Variants in KIF26B observed in about 807,000 individuals in gnomAD.
KIF26B encodes kinesin family member 26B, also known as kinesin-like protein KIF26B.
A neutral mutation model predicts 151.2 loss-of-function variants in KIF26B; 63 were observed. That is an observed-to-expected ratio of 0.42 (90% CI 0.34 to 0.51). The LOEUF (loss-of-function observed/expected upper bound fraction) is 0.51. KIF26B is among the 20% of genes least tolerant of loss of function. The pLI is 0.07. For synonymous variants in KIF26B, 1,357 were observed against 1,262.1 expected (o/e 1.08, Z -1.59); for missense variants, 2,813 against 2,913.6 (o/e 0.97, Z 0.79).
chr1:245,288,034 G>A (rs533272284), intron 2 of KIF26B, among the ~76,000 whole-genome samples: 1 of 151,502 alleles, frequency 6.6e-6, no homozygotes, highest in South Asian at 2.1e-4. Flanking sequence ...GCAGAATCAA[G>A]TTCCATATAC....
intron 5 of KIF26B, among the ~76,000 whole-genome samples, chr1:245,585,171 C>T (rs1325153362): frequency 1.3e-5 from 2 of 152,172 alleles, no homozygotes; most frequent in Non-Finnish European, 2.9e-5. Context: ...GAATCAGAAA[C>T]TCTGGGAGGG....
chr1:245,431,687 C>T (rs1341351957), intron 4 of KIF26B, among the ~76,000 whole-genome samples: 1 of 152,178 alleles, frequency 6.6e-6, no homozygotes, highest in East Asian at 1.9e-4. Flanking sequence ...CCATATTGGC[C>T]AGGCTGGTCT....
At chr1:245,643,029 C>G (rs1324975512) in intron 9 of KIF26B, among the ~76,000 whole-genome samples, 1 of 152,148 alleles carries the variant, frequency 6.6e-6, no homozygotes, top group Admixed American at 6.5e-5. Flanking sequence ...TCTCTTTTGT[C>G]TAATATTGGT....
intron 4 of KIF26B, among the ~76,000 whole-genome samples, chr1:245,447,668 A>G (rs888653253): frequency 2.6e-5 from 4 of 152,090 alleles, no homozygotes; most frequent in African/African-American, 7.2e-5. Context: ...TTTTCATAAG[A>G]CATGCCCACC....
chr1:245,216,235 A>G (rs1000785194), intron 2 of KIF26B: 1 of 151,994 alleles, frequency 6.6e-6, no homozygotes, highest in Non-Finnish European at 1.5e-5. Flanking sequence ...AAAAACTTCA[A>G]AGATACAGCA....
chr1:245,335,661 T>G (rs1672206622), intron 2 of KIF26B, among the ~76,000 whole-genome samples: 1 of 133,988 alleles, frequency 7.5e-6, no homozygotes, highest in African/African-American at 2.9e-5. Context: ...GAAAGGGGGG[T>G]CCCACGCGGG....
intron 2 of KIF26B, among the ~76,000 whole-genome samples, chr1:245,274,725 A>G (rs924435931): frequency 6.6e-6 from 1 of 152,078 alleles, no homozygotes; most frequent in South Asian, 2.1e-4. Flanking sequence ...AATGATTTAT[A>G]ATCCTTTGGG....
Position 245,564,957 on chromosome 1 carries a change from G to C in KIF26B, c.1350+24007G>C, listed in dbSNP as rs1221766232. Among the ~76,000 whole-genome samples the C allele has an allele frequency of 3.9e-5, 6 of 152,162 alleles. No individual in the cohort carries two copies. The East Asian group carries it at 1.2e-3, about 29-fold the overall frequency. On this transcript the variant is annotated intron_variant, in intron 5 of 14. Transcript: ENST00000407071. This position sits in a 1 kb window ranked among gnomAD's most constrained non-coding sequence, Gnocchi z 4.6. The stretch of plus-strand genomic sequence containing the variant: ...ACGCTTACCTTCTGCTGTGTGGCCT[G>C]CTTCTTAACAGGACACCGACTAGCA...
chr1:245,259,934 CAAAAAAAAAA>C (rs35913005), intron 2 of KIF26B, among the ~76,000 whole-genome samples: 1 of 72,016 alleles, frequency 1.4e-5, no homozygotes, highest in Non-Finnish European at 2.6e-5. Context: ...GGTCCTGTCT[CAAAAAAAAAA>C]AAAAAAAAAA....
intron 4 of KIF26B, among the ~76,000 whole-genome samples, chr1:245,434,815 C>T (rs1365082551): frequency 6.6e-6 from 1 of 152,172 alleles, no homozygotes; most frequent in Non-Finnish European, 1.5e-5. Context: ...CTTGAGAACA[C>T]AGACTCTGGT....
chr1:245,701,388 C>T (rs1213865033), intron 14 of KIF26B, among the ~76,000 whole-genome samples: 4 of 152,170 alleles, frequency 2.6e-5, no homozygotes, highest in African/African-American at 9.7e-5. Context: ...CTGATGTGGT[C>T]ATAGAATGAT....
At chr1:245,695,445 A>G (rs2044680215) in intron 12 of KIF26B, among the ~76,000 whole-genome samples, 1 of 152,174 alleles carries the variant, frequency 6.6e-6, no homozygotes, top group African/African-American at 2.4e-5. Context: ...AGGGAGCCTC[A>G]GCTGGAGGTG....
At chr1:245,319,874 C>A (rs551281617) in intron 2 of KIF26B, among the ~76,000 whole-genome samples, 1 of 152,264 alleles carries the variant, frequency 6.6e-6, no homozygotes, top group Admixed American at 6.5e-5. Context: ...TGAGTCCATG[C>A]TATTTCTCTG....
intron 4 of KIF26B, among the ~76,000 whole-genome samples, chr1:245,514,557 T>TA (rs1444893991): frequency 6.6e-6 from 1 of 151,474 alleles, no homozygotes; most frequent in Non-Finnish European, 1.5e-5. Context: ...AATAATAAAA[T>TA]AAAAAATAGA....
At chr1:245,692,567 G>A (rs2044640187) in intron 12 of KIF26B, among the ~76,000 whole-genome samples, 1 of 152,036 alleles carries the variant, frequency 6.6e-6, no homozygotes, top group Non-Finnish European at 1.5e-5. Context: ...TTAACTCAAG[G>A]AGGGACCGTC....
intron 2 of KIF26B, among the ~76,000 whole-genome samples, chr1:245,226,677 G>T (rs1170934067): frequency 1.3e-5 from 2 of 152,082 alleles, no homozygotes; most frequent in Non-Finnish European, 2.9e-5. Context: ...TGGTCAGGCT[G>T]GTCTCAAACT....
chr1:245,429,017 A>C (rs541407382), intron 4 of KIF26B, among the ~76,000 whole-genome samples: 40 of 152,160 alleles, frequency 2.6e-4, no homozygotes, highest in African/African-American at 9.2e-4. Flanking sequence ...AGAGAAGGAT[A>C]TTGAATAAGC....
rs1661592151 is a variant in KIF26B, at chr1:245,540,612, T to C, written c.1167-155T>C. On this transcript the variant is annotated intron_variant, in intron 4 of 14. Transcript: ENST00000407071. The surrounding 1 kb of genome is among the most constrained non-coding windows in gnomAD (Gnocchi z 4.6). The stretch of plus-strand genomic sequence containing the variant: ...GTAGCTCGTTAACTTCACTCTGTTA[T>C]AGTAAGGGACTGCTACAGAGGACAC... 4 of 771,424 alleles carry C rather than the reference T, an allele frequency of 5.2e-6. No homozygotes were observed. The highest frequency in any genetic ancestry group is 9.5e-6 in the Non-Finnish European group (4 of 420,976). The allele number at this position is 771,424 out of a possible 1,614,324, so 47.8% of individuals were successfully genotyped here.
At chr1:245,444,330 G>T (rs1304536069) in intron 4 of KIF26B, among the ~76,000 whole-genome samples, 1 of 152,240 alleles carries the variant, frequency 6.6e-6, no homozygotes, top group Non-Finnish European at 1.5e-5. Context: ...AGTGGCCTGA[G>T]GGCAGGCCTT....
Sources: allele counts gnomAD v4.1 joint callset (sites outside exome capture counted in the v4.1 genomes callset), GRCh38; gene constraint gnomAD v4.1.1; non-coding constraint Gnocchi (gnomAD v3.1); transcripts MANE v1.5; gene names NCBI Gene and HGNC (gene_info 2026-07-23, HGNC 2026-07-21).